Variants in PCID2 observed in about 807,000 individuals in gnomAD.
PCID2 encodes PCI domain containing 2.
A neutral mutation model predicts 61.3 loss-of-function variants in PCID2; 41 were observed. The observed-to-expected ratio is 0.67, with a 90% CI of 0.52 to 0.87. The LOEUF (loss-of-function observed/expected upper bound fraction) is 0.87, where lower values mean the gene tolerates loss of function less well. Ranked by LOEUF, PCID2 falls within the 40% of genes least tolerant of loss-of-function variation. The pLI, the probability that PCID2 is intolerant of heterozygous loss-of-function variation, is 0.00. For synonymous variants in PCID2, 187 were observed against 177.8 expected (o/e 1.05, Z -0.41); for missense variants, 392 against 493.4 (o/e 0.79, Z 1.95).
rs1301687711 is a variant in PCID2 at position 113,185,602 on chromosome 13, A to C, written c.468-42T>G. ...TTTTTTAAGTTACATAGGAAATAAA[A>C]ATTTTATTTATAAATCACAAAATAA... On this transcript the variant is annotated intron_variant, in intron 7 of 13. Transcript: ENST00000337344. 3 of 1,280,520 alleles carry C rather than the reference A, an allele frequency of 2.3e-6. No individual in the cohort carries two copies. The Admixed American group carries it at 5.5e-5, about 23-fold the overall frequency. The allele number at this position is 1,280,520 out of a possible 1,614,324, so 79.3% of individuals were successfully genotyped here.
At chr13:113,197,918 G>A (rs751313018) in intron 3 of PCID2, among the ~76,000 whole-genome samples, 33 of 152,156 alleles carry the variant, frequency 2.2e-4, no homozygotes, top group African/African-American at 5.6e-4. Context: ...ATATTTCCAC[G>A]AAAAGGGTAA....
chr13:113,176,438 A>G (rs7323611), downstream of PCID2, among the ~76,000 whole-genome samples: 29,862 of 35,376 alleles, frequency 0.84, 13,703 homozygotes, highest in South Asian at 1. Context: ...CATAAGGGTG[A>G]GGTCCTAACC....
the PCID2 span, among the ~76,000 whole-genome samples, chr13:113,166,882 A>C: frequency 6.6e-6 from 1 of 152,144 alleles, no homozygotes; most frequent in African/African-American, 2.4e-5. Context: ...GTGCGGTTCT[A>C]GTCTGCAACC....
intron 8 of PCID2, 106 bp from the exon 9 acceptor site, chr13:113,184,593 A>C (rs777776344): frequency 6.1e-5 from 41 of 669,868 alleles, no homozygotes; most frequent in Non-Finnish European, 1.0e-4. Context: ...AAAACCTATT[A>C]TATCATAACA....
chr13:113,179,050 A>G lies in PCID2; in HGVS notation c.1026T>C (p.Ala342=), dbSNP rs768557608. The G allele has an allele frequency of 1.2e-6, 2 of 1,613,932 alleles. No individual in the cohort carries two copies. The highest frequency in any genetic ancestry group is 1.7e-6 in the Non-Finnish European group (2 of 1,179,848). The change falls in exon 13 of 14, where the codon GCT becomes GCC. Residue 342 remains alanine, a synonymous_variant. Transcript: ENST00000337344. This position sits in a 1 kb window ranked among gnomAD's most constrained non-coding sequence, Gnocchi z 4.3. ...GCATGAACTTCAAGGCAACCAGAAA[A>G]GCATCCAGAGACAGCTGGTGTGTTT... ...LLKTHQLSLD[A]FLVALKFMQV...
intron 1 of PCID2, among the ~76,000 whole-genome samples, chr13:113,202,995 C>A (rs112367437): frequency 0.018 from 2,763 of 152,036 alleles, 81 homozygotes; most frequent in African/African-American, 0.062. Context: ...AAAAACAAAA[C>A]AAAAAAAATC....
At chr13:113,171,240 CAACAAAATA>C in the PCID2 span, among the ~76,000 whole-genome samples, 1 of 152,168 alleles carries the variant, frequency 6.6e-6, no homozygotes, top group Non-Finnish European at 1.5e-5. The surrounding 1 kb of genome is among the most constrained non-coding windows in gnomAD (Gnocchi z 5.1). Context: ...ATTTTTCAAT[CAACAAAATA>C]ACGTGAAAAC....
chr13:113,208,552 C>G, intron 1 of PCID2, 47 bp downstream of exon 1: 1 of 1,595,898 alleles, frequency 6.3e-7, no homozygotes, highest in Non-Finnish European at 8.5e-7. Flanking sequence ...ACACGGAACA[C>G]GCCGAGGGCC....
chr13:113,173,051 C>T (rs1438879539), downstream of PCID2, among the ~76,000 whole-genome samples: 2 of 152,182 alleles, frequency 1.3e-5, no homozygotes, highest in African/African-American at 2.4e-5. Flanking sequence ...TTCTCCCATA[C>T]GAGGACACTG....
the PCID2 span, chr13:113,171,611 C>G: frequency 6.2e-6 from 10 of 1,614,156 alleles, no homozygotes; most frequent in Non-Finnish European, 7.6e-6. The surrounding 1 kb of genome is among the most constrained non-coding windows in gnomAD (Gnocchi z 5.1). Flanking sequence ...CAGAACGAGC[C>G]AAGACCCGCT....
At chr13:113,208,127 C>G in intron 1 of PCID2, 2 of 1,607,652 alleles carry the variant, frequency 1.2e-6, no homozygotes, top group East Asian at 2.2e-5. Flanking sequence ...ACGAGGGGCA[C>G]GAGCCCGGCC....
chr13:113,189,438 T>C (rs907793329), intron 7 of PCID2, among the ~76,000 whole-genome samples: 4 of 152,168 alleles, frequency 2.6e-5, no homozygotes, highest in South Asian at 2.1e-4. Flanking sequence ...TATTCCTTTA[T>C]AGCAACACAA....
At chr13:113,181,266 A>G in intron 9 of PCID2, 36 bp from the exon 10 acceptor site, 1 of 1,330,960 alleles carries the variant, frequency 7.5e-7, no homozygotes, top group Non-Finnish European at 1.1e-6. Flanking sequence ...CATGAGACCA[A>G]CGCACCTGCT....
chr13:113,175,035 G>GTGT (rs2037166178), downstream of PCID2, among the ~76,000 whole-genome samples: 1 of 152,164 alleles, frequency 6.6e-6, no homozygotes, highest in Non-Finnish European at 1.5e-5. Context: ...GACAGTGAGG[G>GTGT]CGTCTAACGA....
the PCID2 span, chr13:113,171,980 G>A: frequency 6.2e-7 from 1 of 1,613,442 alleles, no homozygotes; most frequent in South Asian, 1.1e-5. The surrounding 1 kb of genome is among the most constrained non-coding windows in gnomAD (Gnocchi z 5.1). Flanking sequence ...GGTCACCAGA[G>A]AACACAGAGG....
chr13:113,204,989 T>C (rs1026108212), intron 1 of PCID2, among the ~76,000 whole-genome samples: 1 of 152,152 alleles, frequency 6.6e-6, no homozygotes, highest in South Asian at 2.1e-4. Context: ...GAAGACTTCC[T>C]TGTGGTTGCT....
chr13:113,205,042 AT>A (rs2138974352), intron 1 of PCID2, among the ~76,000 whole-genome samples: 1 of 152,338 alleles, frequency 6.6e-6, no homozygotes, highest in South Asian at 2.1e-4. Context: ...AGGAGGCACC[AT>A]CTACTCTTGG....
the PCID2 span, among the ~76,000 whole-genome samples, chr13:113,170,110 A>AT: frequency 6.6e-6 from 1 of 152,096 alleles, no homozygotes; most frequent in Non-Finnish European, 1.5e-5. Flanking sequence ...CATTCCATAG[A>AT]TTTTGTCAAT....
At chr13:113,187,761 G>A (rs950304522) in intron 7 of PCID2, 3 of 152,148 alleles carry the variant, frequency 2.0e-5, no homozygotes, top group Non-Finnish European at 4.4e-5. Context: ...GCCCTTATCA[G>A]ATGTATTATT....
Sources: gnomAD v4.1 joint callset for allele counts (sites outside exome capture counted in the v4.1 genomes callset) on GRCh38, gnomAD v4.1.1 for gene constraint, Gnocchi (gnomAD v3.1) non-coding constraint, MANE v1.5 for transcripts, NCBI Gene and HGNC (gene_info 2026-07-23, HGNC 2026-07-21) for gene names.